Variants in OR3A2 observed in about 807,000 individuals in gnomAD.
The protein encoded by OR3A2 is olfactory receptor 3A2.
For synonymous variants in OR3A2, 126 were observed against 159.3 expected (o/e 0.79, Z 1.57); for missense variants, 318 against 392.8 (o/e 0.81, Z 1.61).
intron 2 of OR3A2, among the ~76,000 whole-genome samples, chr17:3,348,757 A>T (rs1373976630): frequency 6.6e-6 from 1 of 152,190 alleles, no homozygotes; most frequent in Non-Finnish European, 1.5e-5. Context: ...AATGAAGGAA[A>T]AAAATGTTAA....
At chr17:3,300,534 G>A (rs796813426) in intron 3 of OR3A2, among the ~76,000 whole-genome samples, 5 of 152,106 alleles carry the variant, frequency 3.3e-5, no homozygotes, top group African/African-American at 1.2e-4. Flanking sequence ...ACTCCAACCT[G>A]GGCAACAGAG....
At chr17:3,326,808 G>T (rs2049179450) in intron 3 of OR3A2, among the ~76,000 whole-genome samples, 1 of 138,852 alleles carries the variant, frequency 7.2e-6, no homozygotes, top group Admixed American at 7.5e-5. Flanking sequence ...GCAGTGTTTG[G>T]TTTTTTGTTC....
rs2855678 is a variant in OR3A2 at position 3,308,500 on chromosome 17, A to G, written c.-85+27533T>C. On this transcript the variant is annotated intron_variant, in intron 3 of 4. Coordinates refer to the OR3A2 transcript ENST00000573491. ...CTTCTCACTCCACCCAAAAAGATCC[A>G]GTGGGATTTGGGTGCTTCAATGTGC... is the stretch of plus-strand genomic sequence containing the variant. Among the ~76,000 whole-genome samples, 963 of 152,232 alleles carry G rather than the reference A, an allele frequency of 6.3e-3. 10 individuals are homozygous for G. Among genetic ancestry groups the G allele is most frequent in the African/African-American group, 0.021 (854 of 41,544 alleles).
At chr17:3,293,280 CA>C (rs1167331057) in intron 3 of OR3A2, among the ~76,000 whole-genome samples, 2 of 151,956 alleles carry the variant, frequency 1.3e-5, no homozygotes, top group Non-Finnish European at 2.9e-5. Flanking sequence ...GAATTGGACT[CA>C]AGAAGCAGAG....
chr17:3,341,940 T>C (rs1045088032), intron 2 of OR3A2, among the ~76,000 whole-genome samples: 1 of 152,236 alleles, frequency 6.6e-6, no homozygotes, highest in African/African-American at 2.4e-5. Context: ...TAGTCCCATA[T>C]TTCTTGAAGG....
At chr17:3,362,295 A>G (rs2049525293) in intron 2 of OR3A2, among the ~76,000 whole-genome samples, 1 of 150,928 alleles carries the variant, frequency 6.6e-6, no homozygotes, top group African/African-American at 2.5e-5. Context: ...CATCTATTTG[A>G]TTATTCTCTC....
intron 3 of OR3A2, among the ~76,000 whole-genome samples, chr17:3,323,498 G>A (rs1008618076): frequency 1.3e-5 from 2 of 152,044 alleles, no homozygotes; most frequent in Non-Finnish European, 2.9e-5. Context: ...GCTGGTACCG[G>A]TTGTTCCTTT....
intron 2 of OR3A2, among the ~76,000 whole-genome samples, chr17:3,376,869 G>T (rs538821809): frequency 4.6e-5 from 7 of 152,116 alleles, no homozygotes; most frequent in African/African-American, 1.7e-4. Context: ...GCTTCCCTGG[G>T]CTTGGACTGG....
chr17:3,304,537 T>C (rs73977649), intron 3 of OR3A2, among the ~76,000 whole-genome samples: 3,510 of 152,350 alleles, frequency 0.023, 142 homozygotes, highest in African/African-American at 0.079. Flanking sequence ...TGGTATCCAC[T>C]GCTTCATAGA....
At chr17:3,371,718 C>T (rs1272596580) in intron 2 of OR3A2, among the ~76,000 whole-genome samples, 4 of 144,506 alleles carry the variant, frequency 2.8e-5, no homozygotes, top group East Asian at 2.2e-4. Flanking sequence ...ACCTCCCTCC[C>T]GGACGGGGCA....
In OR3A2 at chr17:3,313,927, A is replaced by G. The variant is rs2049061832; in HGVS notation, c.-85+22106T>C. On this transcript the variant is annotated intron_variant, in intron 3 of 4. Coordinates refer to the OR3A2 transcript ENST00000573491. Reference sequence around the variant, plus strand: ...TTATGATAAGAAATTTGTCTTCCACATAGGAAGTCAGTGAAACTGCTAGAT... The same window carrying G: ...TTATGATAAGAAATTTGTCTTCCACGTAGGAAGTCAGTGAAACTGCTAGAT... 2.0e-5 allele frequency among the ~76,000 whole-genome samples: 3 copies of G among 152,342 alleles called. No homozygotes were observed. The South Asian group carries it at 6.2e-4, about 32-fold the overall frequency.
At chr17:3,378,383 C>A (rs887849634) in intron 2 of OR3A2, among the ~76,000 whole-genome samples, 1 of 152,252 alleles carries the variant, frequency 6.6e-6, no homozygotes, top group African/African-American at 2.4e-5. Context: ...TCGGCCACAA[C>A]TTTGCTCTGC....
chr17:3,324,096 C>T (rs889863692), intron 3 of OR3A2, among the ~76,000 whole-genome samples: 3 of 151,898 alleles, frequency 2.0e-5, no homozygotes, highest in Non-Finnish European at 4.4e-5. Flanking sequence ...TTCTCCCTTC[C>T]TTTCATTCAT....
intron 3 of OR3A2, among the ~76,000 whole-genome samples, chr17:3,318,602 T>A (rs936243349): frequency 2.0e-5 from 3 of 152,220 alleles, no homozygotes; most frequent in African/African-American, 7.2e-5. Flanking sequence ...TACTTTTTAG[T>A]TCCACGTGAA....
rs60677788 is a variant in OR3A2, at chr17:3,364,916, T to TAA, written c.-179+18886_-179+18887dup. ...TAAGCAGAACATATAAGCACTAAGG[T>TAA]AAAAAAAAAAAAGCAATTAATTACA... On this transcript the variant is annotated intron_variant, in intron 2 of 4. Transcript: ENST00000573491. Among the ~76,000 whole-genome samples, 251 of 148,552 alleles carry TAA rather than the reference T, an allele frequency of 1.7e-3. 1 individual carries two copies. The highest frequency in any genetic ancestry group is 4.9e-3 in the East Asian group (25 of 5,066).
In OR3A2 at chr17:3,311,426, T is replaced by C; in HGVS notation, c.-85+24607A>G. ...ATGAGCTGTGAAGTCCAGGGTGCCC[T>C]GGTGGGAATTTGCTGCACTGTCTCC... On this transcript the variant is annotated intron_variant, in intron 3 of 4. Coordinates refer to the OR3A2 transcript ENST00000573491. This position sits in a 1 kb window ranked among gnomAD's most constrained non-coding sequence, Gnocchi z 4.6. 2.1e-6 allele frequency: 1 copy of C among 477,000 alleles called. No individual in the cohort carries two copies. The highest frequency in any genetic ancestry group is 1.6e-5 in the South Asian group (1 of 62,626). 29.5% of individuals were successfully genotyped at this position (477,000 alleles called of 1,614,324 possible).
intron 3 of OR3A2, among the ~76,000 whole-genome samples, chr17:3,314,317 C>G (rs978291052): frequency 6.6e-6 from 1 of 152,104 alleles, no homozygotes; most frequent in African/African-American, 2.4e-5. Flanking sequence ...CAGTGTTTGT[C>G]TTTCCTTAAT....
At chr17:3,364,157 C>A (rs1280842147) in intron 2 of OR3A2, among the ~76,000 whole-genome samples, 1 of 152,048 alleles carries the variant, frequency 6.6e-6, no homozygotes, top group Non-Finnish European at 1.5e-5. Flanking sequence ...AAGCTAAGGT[C>A]CTGAAATTAT....
chr17:3,344,913 C>T (rs1335936532), intron 2 of OR3A2, among the ~76,000 whole-genome samples: 1 of 152,164 alleles, frequency 6.6e-6, no homozygotes. Flanking sequence ...AGCTACCTTG[C>T]CTATCAAGTC....
Sources: allele counts gnomAD v4.1 joint callset (sites outside exome capture counted in the v4.1 genomes callset), GRCh38; gene constraint gnomAD v4.1.1; non-coding constraint Gnocchi (gnomAD v3.1); transcripts MANE v1.5; gene names NCBI Gene and HGNC (gene_info 2026-07-23, HGNC 2026-07-21).